CUL5: variants seen among roughly 807,000 people sequenced by gnomAD.
CUL5 encodes the protein cullin 5.
CUL5 carries 26 observed loss-of-function variants against 108.8 expected under a neutral mutation model. The observed-to-expected ratio is 0.24, with a 90% CI of 0.18 to 0.33. The LOEUF (loss-of-function observed/expected upper bound fraction) is 0.33, where lower values mean the gene tolerates loss of function less well. CUL5 is among the 10% of genes least tolerant of loss of function. The pLI, the probability that CUL5 is intolerant of heterozygous loss-of-function variation, is 1.00. For missense variants in CUL5, 524 were observed against 909.2 expected (o/e 0.58, Z 5.45); for synonymous variants, 334 against 298.0 (o/e 1.12, Z -1.25).
chr11:108,009,191 C>A lies in CUL5; in HGVS notation c.-158C>A. 1.5e-6 allele frequency: 1 copy of A among 687,518 alleles called. No individual in the cohort carries two copies. Among genetic ancestry groups the A allele is most frequent in the South Asian group, 1.8e-5 (1 of 54,584 alleles). 42.6% of individuals were successfully genotyped at this position (687,518 alleles called of 1,614,324 possible). A position where few individuals can be genotyped will look rare whatever the true frequency, so the allele number is the denominator to read the frequency against. On this transcript the variant is annotated 5_prime_UTR_variant, in exon 1 of 19. Transcript: ENST00000393094. ...GTGAGGAAGCTCCTGGTGCTTGGGA[C>A]GAGGTCAGCGCTGTCGGCGCGCTGC...
chr11:108,062,923 G>A (rs756005607), intron 7 of CUL5, among the ~76,000 whole-genome samples: 7 of 152,080 alleles, frequency 4.6e-5, no homozygotes, highest in African/African-American at 7.2e-5. Flanking sequence ...TCAGCTCACC[G>A]CAACCTCCGC....
intron 1 of CUL5, among the ~76,000 whole-genome samples, chr11:108,009,887 T>G (rs1862021749): frequency 6.6e-6 from 1 of 152,096 alleles, no homozygotes; most frequent in South Asian, 2.1e-4. Flanking sequence ...CTCCCTTTTC[T>G]GCGTGTTACA....
intron 2 of CUL5, 44 bp downstream of exon 2, chr11:108,033,955 T>G: frequency 8.5e-7 from 1 of 1,178,584 alleles, no homozygotes; most frequent in Non-Finnish European, 1.3e-6. Flanking sequence ...AAGGAAATTT[T>G]AGTGATGTCT....
Position 108,009,264 on chromosome 11 carries a change from GGTGGGAGCTCCGGCCTCCGGTCAAGGCCT to G in CUL5, c.-83_-55del. On this transcript the variant is annotated 5_prime_UTR_variant, in exon 1 of 19. The change creates a premature stop within an existing upstream ORF in the 5' untranslated region. Transcript: ENST00000393094. ...TGCGGGCCGACGGGCCCTGGGCCCTGGTGGGAGCTCCGGCCTCCGGTCAAGGCCTGGCCGGGAGCGCCACGAATTCTCGC... is the reference window on the plus strand; with the variant it reads ...TGCGGGCCGACGGGCCCTGGGCCCTGGGCCGGGAGCGCCACGAATTCTCGC... The G allele has an allele frequency of 6.6e-7, 1 of 1,505,554 alleles. No homozygotes were observed. Among genetic ancestry groups the G allele is most frequent in the Non-Finnish European group, 9.2e-7 (1 of 1,087,802 alleles). The allele number at this position is 1,505,554 out of a possible 1,614,324, so 93.3% of individuals were successfully genotyped here.
intron 10 of CUL5, among the ~76,000 whole-genome samples, chr11:108,075,091 A>G (rs1863912026): frequency 6.6e-6 from 1 of 152,180 alleles, no homozygotes; most frequent in Admixed American, 6.5e-5. Context: ...GGGAAGAAGG[A>G]AGAAAGAATA....
At chr11:108,057,934 G>A (rs1419520919) in intron 7 of CUL5, among the ~76,000 whole-genome samples, 1 of 151,982 alleles carries the variant, frequency 6.6e-6, no homozygotes, top group African/African-American at 2.4e-5. Flanking sequence ...ATATTGGCTG[G>A]GTGCAGTGGC....
intron 1 of CUL5, among the ~76,000 whole-genome samples, chr11:108,014,551 A>G (rs1430101272): frequency 6.6e-6 from 1 of 152,240 alleles, no homozygotes; most frequent in Admixed American, 6.5e-5. Flanking sequence ...AATAAAAGTT[A>G]TTATATTTTC....
rs1184669642 is a variant in CUL5 at position 108,105,192 on chromosome 11, T to C, written c.*808T>C. 6.6e-6 allele frequency: 1 copy of C among 152,078 alleles called. No individual in the cohort carries two copies. The highest frequency in any genetic ancestry group is 2.4e-5 in the African/African-American group (1 of 41,432). The allele number at this position is 152,078 out of a possible 1,614,324, so 9.4% of individuals were successfully genotyped here. A position where few individuals can be genotyped will look rare whatever the true frequency, so the allele number is the denominator to read the frequency against. On this transcript the variant is annotated 3_prime_UTR_variant, in exon 19 of 19. Transcript: ENST00000393094. ...GGTCATTATGATTGCAGAGCCAAAA[T>C]AGCAAAACAAACATATTAAGTGTGT...
At chr11:108,103,368 T>C (rs1307814578) in intron 18 of CUL5, among the ~76,000 whole-genome samples, 2 of 151,296 alleles carry the variant, frequency 1.3e-5, no homozygotes, top group Non-Finnish European at 2.9e-5. Flanking sequence ...AAGACCAACC[T>C]GGACAACATA....
chr11:108,076,841 C>T lies in CUL5; in HGVS notation c.1114-1335C>T, dbSNP rs541193088. ...ACTAGTCAGGGATGACACTCAGATT[C>T]GTGTTCTGATCAATTAGAAGGATAT... On this transcript the variant is annotated intron_variant, in intron 10 of 18. Coordinates refer to ENST00000393094, the MANE Select transcript of CUL5 (RefSeq NM_003478.6). Among the ~76,000 whole-genome samples, 5 of 152,266 alleles carry T rather than the reference C, an allele frequency of 3.3e-5. No homozygotes were observed. The South Asian group carries it at 1.0e-3, about 31-fold the overall frequency.
intron 2 of CUL5, among the ~76,000 whole-genome samples, chr11:108,044,513 A>C (rs2135116269): frequency 6.6e-6 from 1 of 152,174 alleles, no homozygotes; most frequent in East Asian, 1.9e-4. Flanking sequence ...GTCTCAAAAA[A>C]AAAAAAATTA....
At chr11:108,047,837 CAGAT>C (rs142187359) in intron 3 of CUL5, among the ~76,000 whole-genome samples, 428 of 152,186 alleles carry the variant, frequency 2.8e-3, no homozygotes, top group African/African-American at 8.1e-3. Context: ...ATGTTTATTT[CAGAT>C]AGATAGAGCT....
intron 13 of CUL5, among the ~76,000 whole-genome samples, chr11:108,092,758 G>A (rs772636247): frequency 3.3e-4 from 50 of 152,046 alleles, no homozygotes; most frequent in Non-Finnish European, 5.6e-4. Context: ...AGTGGTGATG[G>A]TTGCACAGTT....
intron 10 of CUL5, among the ~76,000 whole-genome samples, chr11:108,077,062 T>G (rs1863957848): frequency 6.6e-6 from 1 of 152,206 alleles, no homozygotes; most frequent in South Asian, 2.1e-4. Flanking sequence ...TAAGTGGTTT[T>G]TAAAGCACTG....
intron 1 of CUL5, among the ~76,000 whole-genome samples, chr11:108,017,833 T>G (rs1389773781): frequency 6.6e-6 from 1 of 151,702 alleles, no homozygotes; most frequent in Non-Finnish European, 1.5e-5. Flanking sequence ...GACGACAGAG[T>G]GAGACCCTGT....
chr11:108,045,445 T>C (rs1446784969), intron 2 of CUL5, among the ~76,000 whole-genome samples: 1 of 151,982 alleles, frequency 6.6e-6, no homozygotes, highest in Middle Eastern at 3.2e-3. Context: ...TTTAAAAAAC[T>C]AGACAGGTGC....
Position 108,105,784 on chromosome 11 carries a change from C to T in CUL5, c.*1400C>T, listed in dbSNP as rs144676450. On this transcript the variant is annotated 3_prime_UTR_variant, in exon 19 of 19. Coordinates refer to ENST00000393094, the MANE Select transcript of CUL5 (RefSeq NM_003478.6). ...AATTTTCTTGCAAATTATTTTATAT[C>T]TTATTTGATGTTAAGTAATATTTTT... 6.6e-6 allele frequency: 1 copy of T among 152,106 alleles called. No homozygotes were observed. The highest frequency in any genetic ancestry group is 1.5e-5 in the Non-Finnish European group (1 of 67,948). 9.4% of individuals were successfully genotyped at this position (152,106 alleles called of 1,614,324 possible).
In CUL5 at chr11:108,107,744, TA is replaced by T. The variant is rs1864834772; in HGVS notation, c.*3365del. The T allele has an allele frequency of 6.6e-6, 1 of 152,470 alleles. No homozygotes were observed. The highest frequency in any genetic ancestry group is 6.5e-5 in the Admixed American group (1 of 15,268). 9.4% of individuals were successfully genotyped at this position (152,470 alleles called of 1,614,324 possible). ...TTGTATAATTTATTTTCTTGCAAAA[TA>T]AAAATGTAATATAAAAGCTTTTACC... On this transcript the variant is annotated 3_prime_UTR_variant, in exon 19 of 19. Transcript: ENST00000393094.
chr11:108,023,807 A>G (rs988952137), intron 1 of CUL5, among the ~76,000 whole-genome samples: 4 of 152,234 alleles, frequency 2.6e-5, no homozygotes, highest in African/African-American at 7.2e-5. Flanking sequence ...AAGTATTGCT[A>G]GAATTTGTTT....
Sources: allele counts gnomAD v4.1 joint callset (sites outside exome capture counted in the v4.1 genomes callset), GRCh38; gene constraint gnomAD v4.1.1; transcripts MANE v1.5; gene names NCBI Gene and HGNC (gene_info 2026-07-23, HGNC 2026-07-21).